Variants in DACH2 observed in about 807,000 individuals in gnomAD.
DACH2 encodes dachshund homolog 2.
A neutral mutation model predicts 35.8 loss-of-function variants in DACH2; 17 were observed. The ratio of observed to expected loss-of-function variants is 0.48; its 90% CI spans 0.33 to 0.71. The LOEUF (loss-of-function observed/expected upper bound fraction) is 0.71. DACH2 is among the 30% of genes least tolerant of loss of function. The pLI is 0.02. For missense variants in DACH2, 469 were observed against 472.7 expected (o/e 0.99, Z 0.07); for synonymous variants, 195 against 177.3 (o/e 1.10, Z -0.79).
intron 2 of DACH2, among the ~76,000 whole-genome samples, chrX:86,403,199 T>C (rs1409509347): frequency 8.9e-6 from 1 of 111,962 alleles, no homozygotes; most frequent in African/African-American, 3.2e-5. Flanking sequence ...CTAATTAAAC[T>C]AAAGAGCTTC....
rs2040723247 is a variant in DACH2, at chrX:86,668,249, A to AG, written c.772+17084dup. On this transcript the variant is annotated intron_variant, in intron 4 of 11. Transcript: ENST00000373125. ...TTGTAGAACATAACGAGATACCTCC[A>AG]GGCACCTACCAAGCAATAGAGAAGG... is the stretch of plus-strand genomic sequence containing the variant. Among the ~76,000 whole-genome samples, 2 of 112,344 alleles carry AG rather than the reference A, an allele frequency of 1.8e-5. 1 individual carries two copies. Among genetic ancestry groups the AG allele is most frequent in the Non-Finnish European group, 3.8e-5 (2 of 53,182 alleles).
At chrX:86,633,069 AAAAC>A (rs1001020706) in intron 3 of DACH2, among the ~76,000 whole-genome samples, 30 of 109,387 alleles carry the variant, frequency 2.7e-4, no homozygotes, top group East Asian at 1.7e-3. Flanking sequence ...AAAGCTAGCC[AAAAC>A]AAACAAACAA....
intron 4 of DACH2, among the ~76,000 whole-genome samples, chrX:86,680,652 C>CTTTT (rs1195400316): frequency 6.1e-5 from 5 of 82,319 alleles, no homozygotes; most frequent in African/African-American, 9.1e-5. Context: ...TGACTCATTT[C>CTTTT]TTTTTTTTTT....
At chrX:86,780,170 CA>C (rs5902915) in intron 7 of DACH2, among the ~76,000 whole-genome samples, 20,250 of 89,917 alleles carry the variant, frequency 0.23, 1,971 homozygotes, top group South Asian at 0.46. Flanking sequence ...ATATAAATAC[CA>C]AAAAAAAAAA....
rs763431162 is a variant in DACH2 at position 86,185,147 on chromosome X, T to G, written c.488+36039T>G. ...TTAGTGGAACAGGAAATATGGAATA[T>G]TAACCTGCACCTGTTTTATCTTTCT... On this transcript the variant is annotated intron_variant, in intron 1 of 11. Transcript: ENST00000373125. Among the ~76,000 whole-genome samples, 5 of 111,901 alleles carry G rather than the reference T, an allele frequency of 4.5e-5. No individual in the cohort carries two copies. The South Asian group carries it at 1.9e-3, about 41-fold the overall frequency.
chrX:86,284,547 T>C (rs763625133), intron 1 of DACH2, among the ~76,000 whole-genome samples: 2 of 111,116 alleles, frequency 1.8e-5, no homozygotes, highest in Non-Finnish European at 3.8e-5. Flanking sequence ...CCTGTAGTTT[T>C]CTTTTCTTTC....
intron 7 of DACH2, among the ~76,000 whole-genome samples, chrX:86,773,830 C>G (rs2042007710): frequency 1.8e-5 from 2 of 111,896 alleles, no homozygotes; most frequent in Non-Finnish European, 3.8e-5. Flanking sequence ...TTCCTTTTCC[C>G]TTTCTGATCA....
chrX:86,268,390 A>G (rs2033748981), intron 1 of DACH2, among the ~76,000 whole-genome samples: 1 of 111,175 alleles, frequency 9.0e-6, no homozygotes, highest in Non-Finnish European at 1.9e-5. Flanking sequence ...CATCATCTCC[A>G]TTTTTCAGAT....
chrX:86,222,435 C>G (rs2032733234), intron 1 of DACH2, among the ~76,000 whole-genome samples: 1 of 111,682 alleles, frequency 9.0e-6, no homozygotes, highest in African/African-American at 3.3e-5. Flanking sequence ...AGCAAATAAC[C>G]TAAGATACAA....
intron 1 of DACH2, among the ~76,000 whole-genome samples, chrX:86,211,376 A>G (rs1172831717): frequency 9.0e-6 from 1 of 111,059 alleles, no homozygotes; most frequent in African/African-American, 3.3e-5. Context: ...ATTGGTATCT[A>G]TTTGTTTGCT....
At chrX:86,219,825 C>T (rs998814706) in intron 1 of DACH2, among the ~76,000 whole-genome samples, 2 of 109,307 alleles carry the variant, frequency 1.8e-5, no homozygotes, top group African/African-American at 6.7e-5. Flanking sequence ...GAAAACATAA[C>T]TACAATCAAG....
intron 7 of DACH2, among the ~76,000 whole-genome samples, chrX:86,750,330 G>T (rs766188102): frequency 1.8e-5 from 2 of 111,676 alleles, no homozygotes; most frequent in South Asian, 7.4e-4. Context: ...ACATTGTTTT[G>T]CTGTATCTAT....
chrX:86,715,028 T>A (rs2041320309), intron 6 of DACH2, among the ~76,000 whole-genome samples: 1 of 111,571 alleles, frequency 9.0e-6, no homozygotes. Flanking sequence ...TTCCCATAGC[T>A]GGGGTGAAAC....
chrX:86,241,510 A>G (rs1181936824), intron 1 of DACH2, among the ~76,000 whole-genome samples: 2 of 112,214 alleles, frequency 1.8e-5, no homozygotes, highest in Non-Finnish European at 3.8e-5. Flanking sequence ...TGGAACTTAT[A>G]TTTAAAAGGG....
chrX:86,687,039 T>A (rs1298614713), intron 4 of DACH2, among the ~76,000 whole-genome samples: 1 of 112,309 alleles, frequency 8.9e-6, no homozygotes, highest in Non-Finnish European at 1.9e-5. Context: ...AGGTGCAATT[T>A]ATTTGAGTAA....
intron 1 of DACH2, among the ~76,000 whole-genome samples, chrX:86,289,790 A>T (rs1220441335): frequency 2.7e-5 from 3 of 109,130 alleles, no homozygotes; most frequent in African/African-American, 1.0e-4. Context: ...CATGGTGTAT[A>T]TGTGCCACAT....
At chrX:86,348,456 T>A in intron 1 of DACH2, among the ~76,000 whole-genome samples, 1 of 111,741 alleles carries the variant, frequency 8.9e-6, no homozygotes, top group Non-Finnish European at 1.9e-5. Flanking sequence ...AAATGTATAG[T>A]CATATGGGGT....
At chrX:86,151,432 A>C in intron 1 of DACH2, among the ~76,000 whole-genome samples, 1 of 111,574 alleles carries the variant, frequency 9.0e-6, no homozygotes, top group Non-Finnish European at 1.9e-5. Flanking sequence ...ACTGTGTTAC[A>C]AGTATTGCAA....
chrX:86,784,810 G>A (rs1221991192), intron 7 of DACH2, among the ~76,000 whole-genome samples: 1 of 111,754 alleles, frequency 8.9e-6, no homozygotes, highest in African/African-American at 3.2e-5. Flanking sequence ...AAAGTAATGA[G>A]ATCATATTCT....
Sources: allele counts gnomAD v4.1 joint callset (sites outside exome capture counted in the v4.1 genomes callset), GRCh38; gene constraint gnomAD v4.1.1; transcripts MANE v1.5; gene names NCBI Gene and HGNC (gene_info 2026-07-23, HGNC 2026-07-21).